SHB: variants seen among roughly 807,000 people sequenced by gnomAD.
The protein encoded by SHB is SH2 domain-containing adapter protein B.
Under a neutral mutation model 52.3 loss-of-function variants are expected in SHB, and 20 were observed. The ratio of observed to expected loss-of-function variants is 0.38; its 90% confidence interval spans 0.27 to 0.56. SHB has a LOEUF of 0.56. SHB is among the 20% of genes least tolerant of loss of function. The pLI is 0.71. For synonymous variants in SHB, 397 were observed against 316.5 expected (o/e 1.25, Z -2.70); for missense variants, 825 against 723.3 (o/e 1.14, Z -1.61).
intron 2 of SHB, among the ~76,000 whole-genome samples, chr9:37,995,513 G>A (rs1820937058): frequency 6.6e-6 from 1 of 152,186 alleles, no homozygotes; most frequent in African/African-American, 2.4e-5. Context: ...GCCAGCCTGG[G>A]TCACAGCGTG....
intron 1 of SHB, among the ~76,000 whole-genome samples, chr9:38,061,576 G>A (rs552694310): frequency 6.0e-4 from 92 of 152,332 alleles, no homozygotes; most frequent in African/African-American, 2.2e-3. Flanking sequence ...CTGATCAGAA[G>A]AAACCACAGC....
Position 38,008,955 on chromosome 9 carries a change from T to C in SHB, c.838+7056A>G, listed in dbSNP as rs143229729. Among the ~76,000 whole-genome samples the C allele has an allele frequency of 6.4e-4, 97 of 152,316 alleles. 1 individual carries two copies. In the East Asian group the frequency reaches 0.016, roughly 26 times the overall value. On this transcript the variant is annotated intron_variant, in intron 2 of 5. Transcript: ENST00000377707. ...TACAGAGCTGGGGCTGGGAATGGCC[T>C]GGACTCAGGACCCAGACAGAAGGCC...
chr9:37,933,375 C>T (rs1481777884), intron 5 of SHB, among the ~76,000 whole-genome samples: 1 of 152,182 alleles, frequency 6.6e-6, no homozygotes, highest in Non-Finnish European at 1.5e-5. Flanking sequence ...GAAGAGACAA[C>T]CTTTGAAGCT....
intron 3 of SHB, among the ~76,000 whole-genome samples, chr9:37,969,775 A>C (rs1820570690): frequency 6.6e-6 from 1 of 152,204 alleles, no homozygotes; most frequent in Admixed American, 6.5e-5. Flanking sequence ...TAGACCTGCC[A>C]CACCAACCTG....
intron 2 of SHB, among the ~76,000 whole-genome samples, chr9:38,000,016 G>A (rs972078089): frequency 1.3e-5 from 2 of 152,224 alleles, no homozygotes; most frequent in East Asian, 1.9e-4. Flanking sequence ...GAAGAGCCAC[G>A]AGGCTGGGGC....
chr9:37,998,142 A>T lies in SHB; in HGVS notation c.838+17869T>A, dbSNP rs180808510. Reference sequence around the variant, plus strand: ...GGGGAGCGCGACGGGGATTTACAGCATTCCTGTTGCTCTGAGCTCTGAGTT... The same window carrying T: ...GGGGAGCGCGACGGGGATTTACAGCTTTCCTGTTGCTCTGAGCTCTGAGTT... On this transcript the variant is annotated intron_variant, in intron 2 of 5. Transcript: ENST00000377707. Among the ~76,000 whole-genome samples the T allele has an allele frequency of 1.8e-3, 276 of 149,756 alleles. 1 individual carries two copies. The highest frequency in any genetic ancestry group is 3.4e-3 in the Middle Eastern group (1 of 290).
chr9:38,010,855 C>A (rs1360623201), intron 2 of SHB, among the ~76,000 whole-genome samples: 2 of 152,244 alleles, frequency 1.3e-5, no homozygotes, highest in South Asian at 2.1e-4. Flanking sequence ...CCAGCACTGG[C>A]AAGGGTGCAA....
chr9:37,959,931 G>A lies in SHB; in HGVS notation c.1055-3877C>T, dbSNP rs1832676475. Among the ~76,000 whole-genome samples, 4 of 152,068 alleles carry A rather than the reference G, an allele frequency of 2.6e-5. No individual in the cohort carries two copies. In the South Asian group the frequency reaches 8.3e-4, roughly 31 times the overall value. On this transcript the variant is annotated intron_variant, in intron 3 of 5. Coordinates refer to ENST00000377707, the MANE Select transcript of SHB (RefSeq NM_003028.3). Reference sequence around the variant, plus strand: ...TAGCCCATTACCGGCAACATAACAGGTGCTCAATAAGTGATTAAATGAAGA... The same window carrying A: ...TAGCCCATTACCGGCAACATAACAGATGCTCAATAAGTGATTAAATGAAGA...
At chr9:38,003,269 C>G (rs1478533261) in intron 2 of SHB, among the ~76,000 whole-genome samples, 1 of 151,956 alleles carries the variant, frequency 6.6e-6, no homozygotes, top group Non-Finnish European at 1.5e-5. Context: ...TCCCCTTCAG[C>G]TAAACACAGG....
intron 4 of SHB, among the ~76,000 whole-genome samples, chr9:37,954,449 C>G (rs1832604957): frequency 6.7e-6 from 1 of 149,354 alleles, no homozygotes; most frequent in African/African-American, 2.5e-5. Flanking sequence ...CCATACCAGG[C>G]AAAGGGTGGG....
In SHB at chr9:37,971,793, A is replaced by G. The variant is rs529442157; in HGVS notation, c.1054+2829T>C. Among the ~76,000 whole-genome samples, 12 of 152,334 alleles carry G rather than the reference A, an allele frequency of 7.9e-5. No individual in the cohort carries two copies. In the South Asian group the frequency reaches 2.5e-3, roughly 32 times the overall value. On this transcript the variant is annotated intron_variant, in intron 3 of 5. Transcript: ENST00000377707. ...CAGAAACTCATTCTGAGACAGTTCCATCTGAGACCTTATGATCCTTTGTGA... is the reference window on the plus strand; with the variant it reads ...CAGAAACTCATTCTGAGACAGTTCCGTCTGAGACCTTATGATCCTTTGTGA...
At chr9:37,983,586 C>A (rs537131960) in intron 2 of SHB, among the ~76,000 whole-genome samples, 37 of 152,290 alleles carry the variant, frequency 2.4e-4, no homozygotes, top group African/African-American at 8.9e-4. Flanking sequence ...CTAATTTTCC[C>A]AGCTGGGCTT....
At position 38,010,153 on chromosome 9, in the gene SHB, T is replaced by C. The variant is rs945405563; in HGVS notation, c.838+5858A>G. 2.6e-5 allele frequency among the ~76,000 whole-genome samples: 4 copies of C among 152,240 alleles called. 1 individual carries two copies. Among genetic ancestry groups the C allele is most frequent in the African/African-American group, 9.6e-5 (4 of 41,470 alleles). ...ATCTTGGTTCTGTTTCTGCTGCTTATTTAATCTGAGGCTCAGTATTCTCCT... is the reference window on the plus strand; with the variant it reads ...ATCTTGGTTCTGTTTCTGCTGCTTACTTAATCTGAGGCTCAGTATTCTCCT... On this transcript the variant is annotated intron_variant, in intron 2 of 5. Coordinates refer to ENST00000377707, the MANE Select transcript of SHB (RefSeq NM_003028.3).
chr9:37,984,732 G>A (rs1357932330), intron 2 of SHB, among the ~76,000 whole-genome samples: 3 of 152,146 alleles, frequency 2.0e-5, no homozygotes, highest in East Asian at 1.9e-4. Flanking sequence ...AATTAGACAC[G>A]CCGCAAAACC....
rs1221397828 is a variant in SHB at position 38,016,052 on chromosome 9, G to A, written c.797C>T (p.Ala266Val). Residue 266 changes from alanine to valine, a missense_variant, in exon 2 of 6, where the codon GCT becomes GTT. Physicochemically the swap from Ala to Val is moderately conservative, Grantham distance 64. Transcript: ENST00000377707. ...LKSKAGKGES[A>V]GYMEPYEAQR... Reference sequence around the variant, plus strand: ...TGCCTCATAGGGCTCCATGTAGCCAGCACTCTCCCCCTTTCCTGCTTTGCT... The same window carrying A: ...TGCCTCATAGGGCTCCATGTAGCCAACACTCTCCCCCTTTCCTGCTTTGCT... The A allele has an allele frequency of 6.2e-7, 1 of 1,613,978 alleles. No homozygotes were observed. The highest frequency in any genetic ancestry group is 8.5e-7 in the Non-Finnish European group (1 of 1,179,954).
intron 3 of SHB, 72 bp downstream of exon 3, chr9:37,974,550 G>A (rs1323008302): frequency 9.2e-6 from 12 of 1,304,206 alleles, no homozygotes; most frequent in Admixed American, 4.2e-5. Flanking sequence ...TGTCCTGAGC[G>A]CAGGTGGGGA....
chr9:38,011,126 A>C (rs188731374), intron 2 of SHB, among the ~76,000 whole-genome samples: 1 of 152,266 alleles, frequency 6.6e-6, no homozygotes, highest in East Asian at 1.9e-4. Flanking sequence ...TTCCTGCTGC[A>C]TCAGCAGGAT....
intron 1 of SHB, among the ~76,000 whole-genome samples, chr9:38,016,450 G>C (rs932297584): frequency 6.6e-6 from 1 of 152,224 alleles, no homozygotes; most frequent in Non-Finnish European, 1.5e-5. Context: ...AACCTGGAGG[G>C]CATCCTCAGG....
At chr9:37,982,641 A>AG (rs946688465) in intron 2 of SHB, among the ~76,000 whole-genome samples, 2 of 148,518 alleles carry the variant, frequency 1.3e-5, no homozygotes, top group Non-Finnish European at 3.0e-5. Context: ...AAACAGAAGA[A>AG]AAAAAAAATT....
Sources: allele counts gnomAD v4.1 joint callset (sites outside exome capture counted in the v4.1 genomes callset), GRCh38; gene constraint gnomAD v4.1.1; transcripts MANE v1.5; gene names NCBI Gene and HGNC (gene_info 2026-07-23, HGNC 2026-07-21).